Variants in NDUFS4 observed in about 807,000 individuals in gnomAD.
NDUFS4 encodes the protein NADH dehydrogenase [ubiquinone] iron-sulfur protein 4, mitochondrial.
NDUFS4 carries 28 observed loss-of-function variants against 24.3 expected under a neutral mutation model. That is an observed-to-expected ratio of 1.15 (90% CI 0.85 to 1.58). NDUFS4 has a LOEUF of 1.58. Among genes scored for constraint, NDUFS4 ranks in the 40% most tolerant of loss-of-function variants. NDUFS4 has a pLI of 0.00. For synonymous variants in NDUFS4, 93 were observed against 69.7 expected, an observed-to-expected ratio of 1.34 and a Z score of -1.67; for missense variants, 223 against 207.9, an observed-to-expected ratio of 1.07 and a Z score of -0.45.
At chr5:53,572,652 T>C (rs1477377196) in intron 1 of NDUFS4, among the ~76,000 whole-genome samples, 1 of 151,640 alleles carries the variant, frequency 6.6e-6, no homozygotes, top group Non-Finnish European at 1.5e-5. Flanking sequence ...TCTTGAAGTT[T>C]TTTTTTTTTT....
At chr5:53,600,647 A>G (rs1026882600) in intron 1 of NDUFS4, among the ~76,000 whole-genome samples, 41 of 152,122 alleles carry the variant, frequency 2.7e-4, no homozygotes, top group Admixed American at 6.5e-5. Context: ...TTCATAATTG[A>G]CTGTGGACCT....
chr5:53,582,155 G>T (rs985141618), intron 1 of NDUFS4, among the ~76,000 whole-genome samples: 1 of 151,800 alleles, frequency 6.6e-6, no homozygotes. Context: ...AGCTTGCAGT[G>T]AGCCGAGATC....
intron 2 of NDUFS4, among the ~76,000 whole-genome samples, chr5:53,615,570 G>A (rs1208561710): frequency 2.0e-5 from 3 of 151,894 alleles, no homozygotes; most frequent in Non-Finnish European, 4.4e-5. Context: ...TGAAAAATAG[G>A]GCAGTGATAT....
chr5:53,640,252 T>A (rs1272209683), intron 2 of NDUFS4, among the ~76,000 whole-genome samples: 2 of 151,556 alleles, frequency 1.3e-5, no homozygotes, highest in Non-Finnish European at 2.9e-5. Flanking sequence ...GGGGAACATA[T>A]CAAGATTCAA....
At chr5:53,626,052 A>T (rs1360336530) in intron 2 of NDUFS4, among the ~76,000 whole-genome samples, 1 of 151,770 alleles carries the variant, frequency 6.6e-6, no homozygotes, top group Admixed American at 6.6e-5. Flanking sequence ...CCACCCTCTG[A>T]TGGGCCCTGG....
rs1554054131 is a variant in NDUFS4 at position 53,582,231 on chromosome 5, A to AAAATT, written c.99-21217_99-21216insTAAAT. ...GTCTCAAAATAAAATAAAATAAAAT[A>AAAATT]AAATAAAATAAAATTAAATTAAAAT... On this transcript the variant is annotated intron_variant, in intron 1 of 4. Transcript: ENST00000296684. Among the ~76,000 whole-genome samples, 5 of 121,248 alleles carry AAAATT rather than the reference A, an allele frequency of 4.1e-5. No homozygotes were observed. The South Asian group carries it at 7.4e-4, about 18-fold the overall frequency. 79.5% of individuals were successfully genotyped at this position (121,248 alleles called of 152,430 possible).
At chr5:53,651,169 G>C (rs1349514904) in intron 3 of NDUFS4, among the ~76,000 whole-genome samples, 3 of 151,812 alleles carry the variant, frequency 2.0e-5, no homozygotes, top group African/African-American at 7.2e-5. Context: ...ACAACCAGTA[G>C]CATGAAAAAA....
At chr5:53,680,977 C>G (rs982500541) in intron 4 of NDUFS4, among the ~76,000 whole-genome samples, 5 of 152,020 alleles carry the variant, frequency 3.3e-5, no homozygotes, top group Non-Finnish European at 5.9e-5. Flanking sequence ...GAGGTCTCCC[C>G]TGTATACCCC....
At chr5:53,590,668 A>G (rs541097206) in intron 1 of NDUFS4, among the ~76,000 whole-genome samples, 5 of 152,156 alleles carry the variant, frequency 3.3e-5, no homozygotes, top group Non-Finnish European at 5.9e-5. Context: ...GCAGTTATAA[A>G]TCTTCTTCAT....
chr5:53,648,221 A>G (rs1427286941), intron 3 of NDUFS4, among the ~76,000 whole-genome samples: 1 of 152,128 alleles, frequency 6.6e-6, no homozygotes, highest in African/African-American at 2.4e-5. Context: ...ATGAGCCGCC[A>G]TGTCATGGTT....
intron 2 of NDUFS4, among the ~76,000 whole-genome samples, chr5:53,642,841 G>T (rs1469447319): frequency 6.6e-6 from 1 of 152,106 alleles, no homozygotes; most frequent in South Asian, 2.1e-4. Context: ...AATTGTTGAA[G>T]ATATGGTGTT....
chr5:53,627,002 T>G (rs1242775270), intron 2 of NDUFS4, among the ~76,000 whole-genome samples: 1 of 140,284 alleles, frequency 7.1e-6, no homozygotes, highest in Non-Finnish European at 1.6e-5. Context: ...CTTCTAGGGT[T>G]TTTATAGCTT....
At chr5:53,580,865 C>T (rs1198727421) in intron 1 of NDUFS4, among the ~76,000 whole-genome samples, 1 of 148,948 alleles carries the variant, frequency 6.7e-6, no homozygotes, top group Admixed American at 6.8e-5. Flanking sequence ...TGGAGTTTCG[C>T]TCTTGTTACC....
intron 2 of NDUFS4, among the ~76,000 whole-genome samples, chr5:53,616,340 T>C (rs1034741590): frequency 1.3e-5 from 2 of 152,158 alleles, no homozygotes; most frequent in Non-Finnish European, 2.9e-5. Flanking sequence ...TAAATAATTA[T>C]GGTATTTTTC....
At position 53,642,659 on chromosome 5, in the gene NDUFS4, GAAT is replaced by G. The variant is rs1476441082; in HGVS notation, c.178-3573_178-3571del. On this transcript the variant is annotated intron_variant, in intron 2 of 4. Transcript: ENST00000296684. ...AGATAAATGGAGACAGTTGATAACC[GAAT>G]CATACAGTTTTAATATGGAAAACTA... 4.6e-5 allele frequency among the ~76,000 whole-genome samples: 7 copies of G among 152,116 alleles called. No homozygotes were observed. In the East Asian group the frequency reaches 1.4e-3, roughly 29 times the overall value.
intron 4 of NDUFS4, among the ~76,000 whole-genome samples, chr5:53,662,648 T>C (rs2112527581): frequency 6.6e-6 from 1 of 152,282 alleles, no homozygotes; most frequent in South Asian, 2.1e-4. Context: ...GTTGGTAATC[T>C]ATTAATTATT....
At chr5:53,608,374 C>T (rs1345943196) in intron 2 of NDUFS4, among the ~76,000 whole-genome samples, 1 of 152,132 alleles carries the variant, frequency 6.6e-6, no homozygotes, top group Non-Finnish European at 1.5e-5. Context: ...CAACAGTGAA[C>T]TCTGACACAC....
chr5:53,682,278 T>G (rs988224397), intron 4 of NDUFS4, among the ~76,000 whole-genome samples: 1 of 152,134 alleles, frequency 6.6e-6, no homozygotes, highest in Non-Finnish European at 1.5e-5. Context: ...GACATACATA[T>G]ACCCAGTTTT....
chr5:53,588,647 A>G (rs1018365629), intron 1 of NDUFS4, among the ~76,000 whole-genome samples: 1 of 152,172 alleles, frequency 6.6e-6, no homozygotes, highest in African/African-American at 2.4e-5. Context: ...ATTCTTAATG[A>G]TGTGATCATC....
Sources: gnomAD v4.1 joint callset for allele counts (sites outside exome capture counted in the v4.1 genomes callset) on GRCh38, gnomAD v4.1.1 for gene constraint, MANE v1.5 for transcripts, NCBI Gene and HGNC (gene_info 2026-07-23, HGNC 2026-07-21) for gene names.